The following CD2AP variants were observed in gnomAD, a reference collection of about 807,000 sequenced individuals.
CD2AP encodes the protein CD2-associated protein.
A neutral mutation model predicts 85.1 loss-of-function variants in CD2AP; 46 were observed. The ratio of observed to expected loss-of-function variants is 0.54; its 90% CI spans 0.43 to 0.69. The LOEUF (loss-of-function observed/expected upper bound fraction) is 0.69, where lower values mean the gene tolerates loss of function less well. Ranked by LOEUF, CD2AP falls within the 30% of genes least tolerant of loss-of-function variation. The pLI is 0.00. For missense variants in CD2AP, 769 were observed against 729.5 expected (o/e 1.05, Z -0.62); for synonymous variants, 255 against 252.9 (o/e 1.01, Z -0.08).
At position 47,488,392 on chromosome 6, in the gene CD2AP, T is replaced by C. The variant is rs1242170862; in HGVS notation, c.4+10144T>C. On this transcript the variant is annotated intron_variant, in intron 1 of 17. Transcript: ENST00000359314. ...ATACTGAGTTGTTACATATGTGTAA[T>C]TTTAAATTTTCTAGTAGCTACATTT... 2.6e-5 allele frequency among the ~76,000 whole-genome samples: 4 copies of C among 152,300 alleles called. No individual in the cohort carries two copies. In the East Asian group the frequency reaches 5.8e-4, roughly 22 times the overall value.
At chr6:47,539,916 C>T (rs1445802188) in intron 3 of CD2AP, among the ~76,000 whole-genome samples, 1 of 151,824 alleles carries the variant, frequency 6.6e-6, no homozygotes, top group African/African-American at 2.4e-5. Flanking sequence ...TGGTGGCTCA[C>T]ACCTGTAATC....
intron 3 of CD2AP, among the ~76,000 whole-genome samples, chr6:47,538,466 G>A (rs1767113061): frequency 6.6e-6 from 1 of 151,746 alleles, no homozygotes; most frequent in Non-Finnish European, 1.5e-5. Context: ...GGCTGGTCTC[G>A]AACTCCTGAC....
At chr6:47,550,853 TAAA>T (rs1179280399) in intron 4 of CD2AP, among the ~76,000 whole-genome samples, 7 of 152,152 alleles carry the variant, frequency 4.6e-5, no homozygotes, top group Admixed American at 6.5e-5. Context: ...TACTCAGCCA[TAAA>T]AAGGAATGAT....
chr6:47,504,249 ATTAT>A (rs1766070051), intron 2 of CD2AP, among the ~76,000 whole-genome samples: 1 of 152,222 alleles, frequency 6.6e-6, no homozygotes, highest in Non-Finnish European at 1.5e-5. Flanking sequence ...GCCTCATTAG[ATTAT>A]GAGCTCTTCT....
chr6:47,496,113 T>C (rs570541604), intron 1 of CD2AP, among the ~76,000 whole-genome samples: 2 of 152,218 alleles, frequency 1.3e-5, no homozygotes, highest in Non-Finnish European at 2.9e-5. Context: ...CTTTTTCCTT[T>C]CCTTTGCTGT....
intron 2 of CD2AP, among the ~76,000 whole-genome samples, chr6:47,521,323 G>A (rs932041089): frequency 8.5e-5 from 13 of 152,096 alleles, no homozygotes; most frequent in African/African-American, 2.9e-4. Context: ...AGGTCGAGGC[G>A]GGCAGATCAC....
At chr6:47,610,079 C>T in intron 16 of CD2AP, among the ~76,000 whole-genome samples, 1 of 151,958 alleles carries the variant, frequency 6.6e-6, no homozygotes, top group East Asian at 1.9e-4. Context: ...TTGAGAGATA[C>T]CCTAGTTGAA....
chr6:47,511,073 CAAAAAAAAA>C (rs70999630), intron 2 of CD2AP, among the ~76,000 whole-genome samples: 16 of 51,880 alleles, frequency 3.1e-4, no homozygotes, highest in East Asian at 1.9e-3. Context: ...CTCTGTGTCT[CAAAAAAAAA>C]AAAAAAAAAA....
At chr6:47,507,597 C>T (rs1766206671) in intron 2 of CD2AP, among the ~76,000 whole-genome samples, 2 of 152,096 alleles carry the variant, frequency 1.3e-5, no homozygotes, top group Non-Finnish European at 2.9e-5. Context: ...AGGCTCCCAC[C>T]ACCACGCCCA....
At chr6:47,536,791 A>G (rs2114031081) in intron 3 of CD2AP, among the ~76,000 whole-genome samples, 1 of 152,348 alleles carries the variant, frequency 6.6e-6, no homozygotes. Context: ...TGCAAGTCAC[A>G]TTACTTCTGA....
At chr6:47,516,857 A>T (rs1171732314) in intron 2 of CD2AP, among the ~76,000 whole-genome samples, 1 of 152,210 alleles carries the variant, frequency 6.6e-6, no homozygotes, top group Non-Finnish European at 1.5e-5. Context: ...TTAAAGTTAG[A>T]TCATAGCATA....
At chr6:47,478,659 T>C (rs1765368833) in intron 1 of CD2AP, among the ~76,000 whole-genome samples, 1 of 152,228 alleles carries the variant, frequency 6.6e-6, no homozygotes, top group African/African-American at 2.4e-5. Context: ...AGTAGCACTT[T>C]CAACTTCTTT....
chr6:47,597,574 A>G (rs1341940860), intron 12 of CD2AP, among the ~76,000 whole-genome samples: 1 of 151,064 alleles, frequency 6.6e-6, no homozygotes, highest in African/African-American at 2.4e-5. Context: ...GAGGAACAGC[A>G]GATGATGATC....
chr6:47,547,253 T>C (rs1767387749), intron 4 of CD2AP, among the ~76,000 whole-genome samples: 1 of 152,152 alleles, frequency 6.6e-6, no homozygotes, highest in African/African-American at 2.4e-5. Context: ...ATATACAGAA[T>C]TGCAGAATGG....
chr6:47,580,644 T>G (rs1768452396), intron 9 of CD2AP, among the ~76,000 whole-genome samples: 1 of 152,190 alleles, frequency 6.6e-6, no homozygotes. Flanking sequence ...ATTGAGATAT[T>G]TGACTGAATT....
At chr6:47,549,865 T>C (rs1767466834) in intron 4 of CD2AP, among the ~76,000 whole-genome samples, 1 of 152,144 alleles carries the variant, frequency 6.6e-6, no homozygotes, top group South Asian at 2.1e-4. Context: ...AATAGGCATA[T>C]TGACCAATGG....
At chr6:47,598,241 C>A (rs917794458) in intron 12 of CD2AP, among the ~76,000 whole-genome samples, 1 of 150,628 alleles carries the variant, frequency 6.6e-6, no homozygotes, top group Non-Finnish European at 1.5e-5. Context: ...ATCAAAAAAT[C>A]AAAAAATAAT....
At chr6:47,589,379 T>TATACACACACACACACACACAC (rs144886557) in intron 11 of CD2AP, among the ~76,000 whole-genome samples, 40,501 of 138,922 alleles carry the variant, frequency 0.29, 7,151 homozygotes, top group Middle Eastern at 0.45. Context: ...CTCTTGAATA[T>TATACACACACACACACACACAC]ACACACACAC....
At chr6:47,550,789 A>G (rs1253558062) in intron 4 of CD2AP, among the ~76,000 whole-genome samples, 1 of 152,214 alleles carries the variant, frequency 6.6e-6, no homozygotes, top group Non-Finnish European at 1.5e-5. Flanking sequence ...CTTAATGCCC[A>G]TCAGTCAATG....
Sources: allele counts gnomAD v4.1 joint callset (sites outside exome capture counted in the v4.1 genomes callset), GRCh38; gene constraint gnomAD v4.1.1; transcripts MANE v1.5; gene names NCBI Gene and HGNC (gene_info 2026-07-23, HGNC 2026-07-21).